The following RIF1 variants were observed in gnomAD, a reference collection of about 807,000 sequenced individuals.
RIF1 encodes replication timing regulatory factor 1.
In RIF1, 45 loss-of-function variants were observed where a neutral mutation model predicts 247.1. The observed-to-expected ratio is 0.18, with a 90% CI of 0.14 to 0.23. The LOEUF is 0.23. Among genes scored for constraint, RIF1 ranks in the 10% least tolerant of loss-of-function variants. The probability of loss-of-function intolerance (pLI) is 1.00; values close to 1 mark genes in which losing one functional copy is unlikely to be tolerated. For missense variants in RIF1, 2,967 were observed against 2,862.5 expected, an observed-to-expected ratio of 1.04 and a Z score of -0.83; for synonymous variants, 1,087 against 978.8, an observed-to-expected ratio of 1.11 and a Z score of -2.06.
At chr2:151,440,960 T>C (rs1044614619) in intron 15 of RIF1, among the ~76,000 whole-genome samples, 16 of 152,246 alleles carry the variant, frequency 1.1e-4, no homozygotes, top group Non-Finnish European at 2.2e-4. Context: ...ATAACTCTTC[T>C]ATGACATTTA....
At position 151,457,973 on chromosome 2, in the gene RIF1, C is replaced by G. The variant is rs1247672883; in HGVS notation, c.2855+10C>G. The G allele has an allele frequency of 3.1e-6, 5 of 1,595,456 alleles. No individual in the cohort carries two copies. Among genetic ancestry groups the G allele is most frequent in the South Asian group, 2.2e-5 (2 of 90,618 alleles). On this transcript the variant is annotated intron_variant, in intron 24 of 35. Coordinates refer to ENST00000444746, the MANE Select transcript of RIF1 (RefSeq NM_018151.5). ...ATCCTGAAGAGTTAAAGTATGCTAA[C>G]AACAAAACTTATATACAACTAACTA...
At chr2:151,497,753 T>G (rs1334294065) in intron 10 of RIF1, 2 of 1,553,420 alleles carry the variant, frequency 1.3e-6, no homozygotes, top group Admixed American at 2.0e-5. Flanking sequence ...AAAACAACCA[T>G]GAGTAACATT....
At chr2:151,434,765 AAGG>A (rs555877563) in intron 10 of RIF1, among the ~76,000 whole-genome samples, 287 of 152,112 alleles carry the variant, frequency 1.9e-3, no homozygotes, top group African/African-American at 6.7e-3. Context: ...TTACAGTTAA[AAGG>A]AGCAGCTCTG....
Position 151,420,451 on chromosome 2 carries a change from T to A in RIF1, c.693+72T>A. 6 of 1,456,414 alleles carry A rather than the reference T, an allele frequency of 4.1e-6. No homozygotes were observed. In the South Asian group the frequency reaches 7.5e-5, roughly 18 times the overall value. 90.2% of individuals were successfully genotyped at this position (1,456,414 alleles called of 1,614,324 possible). Reference sequence around the variant, plus strand: ...GTTCTGCACTAAGCTTAAAATTCAGTCTGGTGGCCAGGTACGGTGGCTCTC... The same window carrying A: ...GTTCTGCACTAAGCTTAAAATTCAGACTGGTGGCCAGGTACGGTGGCTCTC... On this transcript the variant is annotated intron_variant, in intron 7 of 35. Coordinates refer to ENST00000444746, the MANE Select transcript of RIF1 (RefSeq NM_018151.5).
Position 151,477,979 on chromosome 2 carries a change from C to CA in RIF1, c.*2909dup, listed in dbSNP as rs2049011026. 1 of 151,404 alleles carries CA rather than the reference C, an allele frequency of 6.6e-6. No individual in the cohort carries two copies. Among genetic ancestry groups the CA allele is most frequent in the Non-Finnish European group, 1.5e-5 (1 of 67,838 alleles). 9.4% of individuals were successfully genotyped at this position (151,404 alleles called of 1,614,324 possible). A position where few individuals can be genotyped will look rare whatever the true frequency, so the allele number is the denominator to read the frequency against. ...CTGCCTCAGCCTCCTAAAATGGTGG[C>CA]ATTACAGGCGTGAGCCACCGCTCCT... On this transcript the variant is annotated 3_prime_UTR_variant, in exon 36 of 36. Coordinates refer to ENST00000444746, the MANE Select transcript of RIF1 (RefSeq NM_018151.5).
chr2:151,505,943 A>G (rs2068534791), intron 12 of RIF1: 2 of 583,614 alleles, frequency 3.4e-6, no homozygotes, highest in Non-Finnish European at 6.1e-6. Context: ...CCTTCTCACA[A>G]GCCTCTCTGT....
chr2:151,435,713 C>A, intron 11 of RIF1, 133 bp downstream of exon 11: 2 of 534,096 alleles, frequency 3.7e-6, no homozygotes, highest in East Asian at 6.0e-5. Flanking sequence ...TGAAGCACTT[C>A]ATAATTTTTA....
chr2:151,477,641 A>C lies in RIF1; in HGVS notation c.*2570A>C, dbSNP rs1305317414. On this transcript the variant is annotated 3_prime_UTR_variant, in exon 36 of 36. Transcript: ENST00000444746. ...TGTTAGCCAGGATGGTCTTGATCTG[A>C]CCTCGTGATCCGCCTGCCTCGGCCT... The C allele has an allele frequency of 6.6e-6, 1 of 151,318 alleles. No individual in the cohort carries two copies. The highest frequency in any genetic ancestry group is 6.6e-5 in the Admixed American group (1 of 15,166). 9.4% of individuals were successfully genotyped at this position (151,318 alleles called of 1,614,324 possible). A position where few individuals can be genotyped will look rare whatever the true frequency, so the allele number is the denominator to read the frequency against.
At chr2:151,520,033 GCAAAA>G in the RIF1 span, 7 of 176,186 alleles carry the variant, frequency 4.0e-5, no homozygotes, top group Non-Finnish European at 7.1e-5. Flanking sequence ...TCTTTCTAAT[GCAAAA>G]CAAAAAAAAA....
chr2:151,531,293 T>G, the RIF1 span, among the ~76,000 whole-genome samples: 2 of 147,732 alleles, frequency 1.4e-5, no homozygotes, highest in African/African-American at 2.5e-5. Flanking sequence ...TCACAACAAC[T>G]CTCTTTTTTT....
intron 3 of RIF1, among the ~76,000 whole-genome samples, chr2:151,412,339 C>T (rs542652131): frequency 6.6e-6 from 1 of 150,482 alleles, no homozygotes; most frequent in East Asian, 2.0e-4. Flanking sequence ...TGTTCTTGTG[C>T]TTTTATTTTT....
At chr2:151,511,875 G>A (rs778028080), downstream of RIF1, among the ~76,000 whole-genome samples, 8 of 151,944 alleles carry the variant, frequency 5.3e-5, no homozygotes, top group Admixed American at 2.0e-4. Flanking sequence ...CCAGATCTGC[G>A]CACACATTTT....
At chr2:151,427,525 A>ATTTTT (rs58446169) in intron 8 of RIF1, among the ~76,000 whole-genome samples, 1 of 134,572 alleles carries the variant, frequency 7.4e-6, no homozygotes, top group Non-Finnish European at 1.6e-5. Flanking sequence ...TTTTTTTTTA[A>ATTTTT]TTTTTTTTTT....
intron 3 of RIF1, 138 bp from the exon 4 acceptor site, chr2:151,414,685 T>G: frequency 1.7e-6 from 1 of 603,614 alleles, no homozygotes; most frequent in Non-Finnish European, 2.9e-6. Context: ...TTTATTTTTA[T>G]TTTTATTTTT....
At chr2:151,446,687 A>G in intron 20 of RIF1, 112 bp downstream of exon 20, 1 of 1,054,774 alleles carries the variant, frequency 9.5e-7, no homozygotes, top group Non-Finnish European at 1.4e-6. Context: ...TTTATATGTG[A>G]TAAAGTTGAT....
chr2:151,513,675 G>T, the RIF1 span: 8 of 1,603,482 alleles, frequency 5.0e-6, no homozygotes, highest in African/African-American at 1.1e-4. Flanking sequence ...TCCAGTTCCA[G>T]GTCTCGCTTA....
chr2:151,504,690 A>T (rs2067389702), intron 12 of RIF1, among the ~76,000 whole-genome samples: 1 of 152,218 alleles, frequency 6.6e-6, no homozygotes, highest in Non-Finnish European at 1.5e-5. Context: ...AACTTCACAT[A>T]GTCTTTTGCT....
At chr2:151,519,351 T>G in the RIF1 span, among the ~76,000 whole-genome samples, 1 of 152,210 alleles carries the variant, frequency 6.6e-6, no homozygotes, top group Non-Finnish European at 1.5e-5. Flanking sequence ...GAACATATTA[T>G]GCTAAGTAAA....
At chr2:151,459,641 AGTT>A (rs1559005214) in intron 25 of RIF1, among the ~76,000 whole-genome samples, 1 of 152,186 alleles carries the variant, frequency 6.6e-6, no homozygotes, top group Admixed American at 6.5e-5. Context: ...ATTAACCCTC[AGTT>A]GTTTAATGTT....
Sources: allele counts gnomAD v4.1 joint callset (sites outside exome capture counted in the v4.1 genomes callset), GRCh38; gene constraint gnomAD v4.1.1; transcripts MANE v1.5; gene names NCBI Gene and HGNC (gene_info 2026-07-23, HGNC 2026-07-21).